The following CNTN4 variants were observed in gnomAD, a reference collection of about 807,000 sequenced individuals.
The protein encoded by CNTN4 is contactin 4.
Under a neutral mutation model 122.5 loss-of-function variants are expected in CNTN4, and 77 were observed. The ratio of observed to expected loss-of-function variants is 0.63; its 90% CI spans 0.52 to 0.76. The LOEUF is 0.76. Among genes scored for constraint, CNTN4 ranks in the 30% least tolerant of loss-of-function variants. The pLI, the probability that CNTN4 is intolerant of heterozygous loss-of-function variation, is 0.00. For synonymous variants in CNTN4, 512 were observed against 447.0 expected (o/e 1.15, Z -1.83); for missense variants, 1,256 against 1,259.1 (o/e 1.00, Z 0.04).
chr3:2,828,412 A>AG (rs1404859035), intron 7 of CNTN4, among the ~76,000 whole-genome samples: 3 of 152,290 alleles, frequency 2.0e-5, no homozygotes, highest in African/African-American at 7.2e-5. Flanking sequence ...TCCTGTAATA[A>AG]GGCAAAATGT....
At chr3:3,011,922 G>A (rs1697275901) in intron 14 of CNTN4, among the ~76,000 whole-genome samples, 1 of 152,132 alleles carries the variant, frequency 6.6e-6, no homozygotes. Flanking sequence ...GGATGAGGAT[G>A]AGGATGGTAA....
At chr3:2,458,073 A>G (rs930409278) in intron 3 of CNTN4, among the ~76,000 whole-genome samples, 6 of 152,104 alleles carry the variant, frequency 3.9e-5, no homozygotes, top group Non-Finnish European at 5.9e-5. Context: ...AGTGATAGGG[A>G]GCCATTCTCT....
At chr3:2,441,549 G>A (rs1332001553) in intron 3 of CNTN4, among the ~76,000 whole-genome samples, 3 of 152,178 alleles carry the variant, frequency 2.0e-5, no homozygotes, top group African/African-American at 7.2e-5. Context: ...AGAGTAGCAG[G>A]TAATAAATAA....
intron 7 of CNTN4, among the ~76,000 whole-genome samples, chr3:2,854,258 CT>C: frequency 8.9e-6 from 1 of 112,690 alleles, no homozygotes; most frequent in South Asian, 3.2e-4. Flanking sequence ...TTTTATTTTT[CT>C]TTCTTCTTCT....
At chr3:2,241,010 T>C (rs1319243892) in intron 2 of CNTN4, among the ~76,000 whole-genome samples, 1 of 152,148 alleles carries the variant, frequency 6.6e-6, no homozygotes, top group Admixed American at 6.5e-5. Flanking sequence ...AAATATATTT[T>C]TATGGCAAAG....
chr3:2,103,235 G>A (rs868807276), intron 2 of CNTN4, among the ~76,000 whole-genome samples: 1 of 149,364 alleles, frequency 6.7e-6, no homozygotes, highest in Non-Finnish European at 1.5e-5. Flanking sequence ...CCACTGGACC[G>A]CTTTTTACTT....
intron 2 of CNTN4, among the ~76,000 whole-genome samples, chr3:2,201,364 A>T (rs961648180): frequency 1.2e-4 from 18 of 152,368 alleles, no homozygotes; most frequent in African/African-American, 4.1e-4. Context: ...AGCAGTAAAT[A>T]TTCAAGGCAG....
chr3:2,203,168 G>T (rs1312782409), intron 2 of CNTN4, among the ~76,000 whole-genome samples: 1 of 152,014 alleles, frequency 6.6e-6, no homozygotes, highest in Non-Finnish European at 1.5e-5. Flanking sequence ...ATATACATAT[G>T]TGTATTTCTA....
chr3:2,773,178 T>G (rs1024114965), intron 6 of CNTN4, among the ~76,000 whole-genome samples: 1 of 151,676 alleles, frequency 6.6e-6, no homozygotes, highest in Non-Finnish European at 1.5e-5. Context: ...AAAGCAAGGG[T>G]ATACCTGAAG....
chr3:2,514,784 C>T (rs987490367), intron 3 of CNTN4, among the ~76,000 whole-genome samples: 3 of 152,172 alleles, frequency 2.0e-5, no homozygotes, highest in Admixed American at 1.3e-4. Context: ...ATGCCTGGAA[C>T]GGCCTTCAAA....
At chr3:2,823,521 AC>A (rs965729198) in intron 7 of CNTN4, among the ~76,000 whole-genome samples, 3 of 152,108 alleles carry the variant, frequency 2.0e-5, no homozygotes, top group Non-Finnish European at 4.4e-5. Flanking sequence ...ATAGATTTTT[AC>A]CATTAAATAT....
At chr3:2,951,522 GGGGGTTGGGGACCCC>G (rs2094744405) in intron 13 of CNTN4, among the ~76,000 whole-genome samples, 1 of 152,204 alleles carries the variant, frequency 6.6e-6, no homozygotes, top group African/African-American at 2.4e-5. Flanking sequence ...TCTGCAGCCT[GGGGGTTGGGGACCCC>G]TGTTCTAGAC....
At position 2,565,103 on chromosome 3, in the gene CNTN4, C is replaced by T. The variant is rs572799813; in HGVS notation, c.-88-6313C>T. 5.3e-5 allele frequency among the ~76,000 whole-genome samples: 8 copies of T among 152,176 alleles called. No individual in the cohort carries two copies. In the South Asian group the frequency reaches 1.2e-3, roughly 24 times the overall value. ...TGGTATTATGATATTATGATGGAAACGGTGTCTAAATCAACCATTGGGTAG... is the reference window on the plus strand; with the variant it reads ...TGGTATTATGATATTATGATGGAAATGGTGTCTAAATCAACCATTGGGTAG... On this transcript the variant is annotated intron_variant, in intron 3 of 24. Transcript: ENST00000418658.
intron 3 of CNTN4, among the ~76,000 whole-genome samples, chr3:2,530,774 A>G (rs2077569913): frequency 6.6e-6 from 1 of 152,194 alleles, no homozygotes; most frequent in African/African-American, 2.4e-5. Context: ...AAATGTTCTT[A>G]AAAGTGTAAC....
chr3:2,379,864 G>A (rs1268739346), intron 3 of CNTN4, among the ~76,000 whole-genome samples: 1 of 152,050 alleles, frequency 6.6e-6, no homozygotes, highest in East Asian at 1.9e-4. Flanking sequence ...AGACCAACCT[G>A]ACAAACATGG....
At chr3:2,471,683 C>T (rs952120940) in intron 3 of CNTN4, among the ~76,000 whole-genome samples, 12 of 152,042 alleles carry the variant, frequency 7.9e-5, no homozygotes, top group Non-Finnish European at 1.8e-4. Context: ...CACAGTATTC[C>T]AAAATGAGGT....
chr3:2,735,826 A>C, intron 4 of CNTN4: 1 of 387,920 alleles, frequency 2.6e-6, no homozygotes, highest in Non-Finnish European at 5.0e-6. Flanking sequence ...GCACAGAAAA[A>C]AATGTTAGCT....
intron 3 of CNTN4, among the ~76,000 whole-genome samples, chr3:2,456,994 C>A (rs73804593): frequency 6.6e-6 from 1 of 152,020 alleles, no homozygotes; most frequent in African/African-American, 2.4e-5. Context: ...CTCTGTTTTA[C>A]GAATGAGGAA....
At position 2,148,481 on chromosome 3, in the gene CNTN4, T is replaced by TGAGATTGCACCA. The variant is rs542414639; in HGVS notation, c.-145+47843_-145+47854dup. Among the ~76,000 whole-genome samples the TGAGATTGCACCA allele has an allele frequency of 2.5e-3, 383 of 151,542 alleles. 4 individuals are homozygous for TGAGATTGCACCA. The highest frequency in any genetic ancestry group is 8.7e-3 in the African/African-American group (359 of 41,266). ...TCAGAAGACACAGGTTGCAGTGAGC[T>TGAGATTGCACCA]GAGATTGCACCACTGCACTTCAGCC... is the stretch of plus-strand genomic sequence containing the variant. On this transcript the variant is annotated intron_variant, in intron 2 of 24. Coordinates refer to ENST00000418658, the MANE Select transcript of CNTN4 (RefSeq NM_175607.3).
Sources: allele counts gnomAD v4.1 joint callset (sites outside exome capture counted in the v4.1 genomes callset), GRCh38; gene constraint gnomAD v4.1.1; transcripts MANE v1.5; gene names NCBI Gene and HGNC (gene_info 2026-07-23, HGNC 2026-07-21).